SDR42E1: variants seen among roughly 807,000 people sequenced by gnomAD.
SDR42E1 encodes short chain dehydrogenase/reductase family 42E, member 1.
Under a neutral mutation model 2.6 loss-of-function variants are expected in SDR42E1, and 5 were observed. The ratio of observed to expected loss-of-function variants is 1.94; its 90% confidence interval spans 1.01 to 4.08. SDR42E1 has a LOEUF of 4.08. Among genes scored for constraint, SDR42E1 ranks in the 30% most tolerant of loss-of-function variants. The pLI is 0.00. For synonymous variants in SDR42E1, 231 were observed against 188.3 expected (o/e 1.23, Z -1.86); for missense variants, 596 against 478.6 (o/e 1.25, Z -2.29).
intron 1 of SDR42E1, among the ~76,000 whole-genome samples, chr16:82,006,493 C>T (rs1465536863): frequency 1.3e-5 from 2 of 152,102 alleles, no homozygotes; most frequent in Non-Finnish European, 2.9e-5. Context: ...AGAGATGTGA[C>T]ATATAAAATT....
chr16:81,990,779 C>G lies in SDR42E1; in HGVS notation c.*8332G>C, dbSNP rs1204018545. 1 of 152,208 alleles carries G rather than the reference C, an allele frequency of 6.6e-6. No individual in the cohort carries two copies. The highest frequency in any genetic ancestry group is 1.5e-5 in the Non-Finnish European group (1 of 68,046). The allele number at this position is 152,208 out of a possible 1,614,324, so 9.4% of individuals were successfully genotyped here. On this transcript the variant is annotated 3_prime_UTR_variant, in exon 3 of 3. Coordinates refer to ENST00000328945, the MANE Select transcript of SDR42E1 (RefSeq NM_145168.3). Reference sequence around the variant, plus strand: ...CTTGAGCACTGAAGGGCTATAATCACCCACTACCAAATATTTCTTTTCCAC... The same window carrying G: ...CTTGAGCACTGAAGGGCTATAATCAGCCACTACCAAATATTTCTTTTCCAC...
rs535345425 is a variant in SDR42E1, at chr16:81,988,936, A to T, written c.*10175T>A. The T allele has an allele frequency of 6.6e-6, 1 of 152,196 alleles. No individual in the cohort carries two copies. The highest frequency in any genetic ancestry group is 1.5e-5 in the Non-Finnish European group (1 of 68,030). 9.4% of individuals were successfully genotyped at this position (152,196 alleles called of 1,614,324 possible). ...CCCAGAATTCAGGATTTTCTACTAT[A>T]TTCTATTCTAGTACAAAATGAGATT... On this transcript the variant is annotated 3_prime_UTR_variant, in exon 3 of 3. Transcript: ENST00000328945.
intron 1 of SDR42E1, among the ~76,000 whole-genome samples, chr16:82,003,081 G>A (rs1413579892): frequency 6.6e-6 from 1 of 152,198 alleles, no homozygotes. Flanking sequence ...AGTGTGACAA[G>A]TGAAGACAAG....
chr16:82,007,464 C>T (rs1912978080), intron 1 of SDR42E1, among the ~76,000 whole-genome samples: 1 of 152,186 alleles, frequency 6.6e-6, no homozygotes, highest in South Asian at 2.1e-4. Context: ...TTCCATTTTA[C>T]AGGTGAGAAA....
rs1567563180 is a variant in SDR42E1 at position 81,999,601 on chromosome 16, G to A, written c.692C>T (p.Ala231Val). ...EFVHVDNLVQ[A>V]HILASEALRA... ...CAGGGCTTCTGAGGCCAGAATGTGA[G>A]CCTGCACCAAGTTATCCACGTGGAC... Residue 231 changes from alanine to valine, a missense_variant, in exon 3 of 3, where the codon GCT becomes GTT. Coordinates refer to ENST00000328945, the MANE Select transcript of SDR42E1 (RefSeq NM_145168.3). 2.5e-6 allele frequency: 4 copies of A among 1,614,028 alleles called. No homozygotes were observed. The highest frequency in any genetic ancestry group is 1.1e-5 in the South Asian group (1 of 91,080).
chr16:82,003,887 AT>A (rs1912848552), intron 1 of SDR42E1, among the ~76,000 whole-genome samples: 1 of 152,336 alleles, frequency 6.6e-6, no homozygotes, highest in South Asian at 2.1e-4. Flanking sequence ...GAATCTATGG[AT>A]TATTCTGAAC....
At chr16:82,000,961 CA>C in intron 1 of SDR42E1, 77 bp from the exon 2 acceptor site, 1 of 953,296 alleles carries the variant, frequency 1.0e-6, no homozygotes, top group Non-Finnish European at 1.6e-6. Flanking sequence ...CTAACAAAAA[CA>C]AAAAGTCAAT....
At position 81,997,243 on chromosome 16, in the gene SDR42E1, A is replaced by G. The variant is rs8063026; in HGVS notation, c.*1868T>C. The G allele has an allele frequency of 0.17, 25,924 of 152,214 alleles. 6,360 individuals are homozygous for G. Among genetic ancestry groups the G allele is most frequent in the African/African-American group, 0.55 (22,673 of 41,478 alleles). The allele number at this position is 152,214 out of a possible 1,614,324, so 9.4% of individuals were successfully genotyped here. On this transcript the variant is annotated 3_prime_UTR_variant, in exon 3 of 3. Transcript: ENST00000328945. ...ATCCTTCTGGCAAGAAGCAGGCAGAAAAAGCTTTGTAGCTGGAAATGTGGG... is the reference window on the plus strand; with the variant it reads ...ATCCTTCTGGCAAGAAGCAGGCAGAGAAAGCTTTGTAGCTGGAAATGTGGG...
intron 1 of SDR42E1, among the ~76,000 whole-genome samples, chr16:82,002,522 A>C (rs1912802797): frequency 6.6e-6 from 1 of 152,198 alleles, no homozygotes; most frequent in South Asian, 2.1e-4. Context: ...TAATCCTTTT[A>C]ATAATCTTAC....
intron 1 of SDR42E1, among the ~76,000 whole-genome samples, chr16:82,006,603 G>A (rs997681362): frequency 1.3e-5 from 2 of 152,146 alleles, no homozygotes; most frequent in Non-Finnish European, 2.9e-5. Context: ...GACCAGCTGG[G>A]CCAACATGGT....
chr16:82,000,720 T>C (rs577282515), intron 2 of SDR42E1, 71 bp downstream of exon 2: 1 of 1,114,176 alleles, frequency 9.0e-7, no homozygotes, highest in Non-Finnish European at 1.4e-6. Flanking sequence ...TCTGCTCTGC[T>C]GTCAGAGTTG....
intron 1 of SDR42E1, among the ~76,000 whole-genome samples, chr16:82,010,675 C>G (rs1913097208): frequency 6.6e-6 from 1 of 152,184 alleles, no homozygotes; most frequent in African/African-American, 2.4e-5. Flanking sequence ...AGTTGTCCCG[C>G]CTTTCCAGAC....
At chr16:82,004,733 C>T (rs1043835666) in intron 1 of SDR42E1, among the ~76,000 whole-genome samples, 1 of 152,210 alleles carries the variant, frequency 6.6e-6, no homozygotes, top group East Asian at 1.9e-4. Flanking sequence ...TTGGGGCCAC[C>T]TTGGTACTTG....
At chr16:82,005,364 A>C (rs1429717720) in intron 1 of SDR42E1, among the ~76,000 whole-genome samples, 1 of 152,228 alleles carries the variant, frequency 6.6e-6, no homozygotes, top group Non-Finnish European at 1.5e-5. Flanking sequence ...AGAAAAATTA[A>C]TAACTTAACA....
At chr16:82,008,089 T>C (rs1047098899) in intron 1 of SDR42E1, among the ~76,000 whole-genome samples, 4 of 152,158 alleles carry the variant, frequency 2.6e-5, no homozygotes, top group African/African-American at 9.7e-5. Context: ...CTGATGATTT[T>C]ATAAAAGAAA....
intron 1 of SDR42E1, among the ~76,000 whole-genome samples, chr16:82,001,916 A>G (rs571057416): frequency 6.6e-6 from 1 of 151,394 alleles, no homozygotes; most frequent in African/African-American, 2.4e-5. Flanking sequence ...AAAAAAAAAA[A>G]AAACCACAGG....
Position 81,989,643 on chromosome 16 carries a change from A to C in SDR42E1, c.*9468T>G, listed in dbSNP as rs1912382535. On this transcript the variant is annotated 3_prime_UTR_variant, in exon 3 of 3. Coordinates refer to ENST00000328945, the MANE Select transcript of SDR42E1 (RefSeq NM_145168.3). ...GCCTACTTGTTCTCTAGCATGGTGT[A>C]ATTGACTCTGCAATCTCAAGAAAAG... is the stretch of plus-strand genomic sequence containing the variant. 1 of 152,234 alleles carries C rather than the reference A, an allele frequency of 6.6e-6. No homozygotes were observed. The highest frequency in any genetic ancestry group is 2.1e-4 in the South Asian group (1 of 4,830). The allele number at this position is 152,234 out of a possible 1,614,324, so 9.4% of individuals were successfully genotyped here.
rs974190656 is a variant in SDR42E1 at position 81,993,330 on chromosome 16, C to G, written c.*5781G>C. On this transcript the variant is annotated 3_prime_UTR_variant, in exon 3 of 3. Transcript: ENST00000328945. ...CCTCCTTGTTGAAAGATAAGAAACA[C>G]CTAGAGTGCAGATTACCAACCAACA... 3.9e-5 allele frequency: 6 copies of G among 152,122 alleles called. No individual in the cohort carries two copies. Among genetic ancestry groups the G allele is most frequent in the Non-Finnish European group, 7.3e-5 (5 of 68,054 alleles). The allele number at this position is 152,122 out of a possible 1,614,324, so 9.4% of individuals were successfully genotyped here. A position where few individuals can be genotyped will look rare whatever the true frequency, so the allele number is the denominator to read the frequency against.
intron 1 of SDR42E1, among the ~76,000 whole-genome samples, chr16:82,010,294 C>A (rs1216263042): frequency 3.3e-5 from 5 of 152,178 alleles, no homozygotes; most frequent in South Asian, 2.1e-4. Flanking sequence ...AGGTTAGGAA[C>A]CTTGCCCACA....
Sources: allele counts gnomAD v4.1 joint callset (sites outside exome capture counted in the v4.1 genomes callset), GRCh38; gene constraint gnomAD v4.1.1; transcripts MANE v1.5; gene names NCBI Gene and HGNC (gene_info 2026-07-23, HGNC 2026-07-21).